Variants in ROR2 observed in about 807,000 individuals in gnomAD.
The protein encoded by ROR2 is ROR family WNT receptor 2.
A neutral mutation model predicts 74.9 loss-of-function variants in ROR2; 33 were observed. The observed-to-expected ratio is 0.44, with a 90% CI of 0.33 to 0.59. ROR2 has a LOEUF of 0.59. Ranked by LOEUF, ROR2 falls within the 20% of genes least tolerant of loss-of-function variation. The pLI is 0.02. For missense variants in ROR2, 1,216 were observed against 1,313.8 expected, an observed-to-expected ratio of 0.93 and a Z score of 1.15; for synonymous variants, 586 against 558.7, an observed-to-expected ratio of 1.05 and a Z score of -0.69.
chr9:91,939,496 G>A (rs1426280742), intron 1 of ROR2, among the ~76,000 whole-genome samples: 1 of 152,084 alleles, frequency 6.6e-6, no homozygotes, highest in Non-Finnish European at 1.5e-5. Context: ...TTGTTCTTCT[G>A]CAAACTGCCT....
At chr9:91,830,660 G>A (rs1013949042) in intron 1 of ROR2, among the ~76,000 whole-genome samples, 19 of 149,364 alleles carry the variant, frequency 1.3e-4, no homozygotes, top group Admixed American at 6.7e-4. Flanking sequence ...AGAGGAAATG[G>A]AGCTTCGAGT....
chr9:91,805,069 G>A (rs1372433122), intron 1 of ROR2, among the ~76,000 whole-genome samples: 2 of 152,156 alleles, frequency 1.3e-5, no homozygotes, highest in African/African-American at 2.4e-5. Flanking sequence ...CCAATTAAAT[G>A]GCTTCTGGCC....
chr9:91,783,124 G>A (rs890851991), intron 1 of ROR2, among the ~76,000 whole-genome samples: 7 of 152,054 alleles, frequency 4.6e-5, no homozygotes, highest in African/African-American at 7.2e-5. Context: ...CATGCACACC[G>A]TCTTTCCGTC....
chr9:91,917,630 T>C (rs1831169408), intron 1 of ROR2, among the ~76,000 whole-genome samples: 1 of 152,214 alleles, frequency 6.6e-6, no homozygotes, highest in Non-Finnish European at 1.5e-5. Flanking sequence ...AGATCCCACT[T>C]CTGCAGGCTG....
chr9:91,925,076 T>G (rs1258794851), intron 1 of ROR2, among the ~76,000 whole-genome samples: 3 of 152,066 alleles, frequency 2.0e-5, no homozygotes, highest in Non-Finnish European at 4.4e-5. Context: ...GGTCTCAAAC[T>G]CTTGGGCTCA....
intron 1 of ROR2, among the ~76,000 whole-genome samples, chr9:91,778,855 T>A (rs1826511756): frequency 6.6e-6 from 1 of 152,048 alleles, no homozygotes; most frequent in Admixed American, 6.5e-5. Flanking sequence ...GGTAGATGAG[T>A]AGGGGAGTAG....
intron 1 of ROR2, among the ~76,000 whole-genome samples, chr9:91,829,404 G>C (rs1404747114): frequency 6.6e-6 from 1 of 151,954 alleles, no homozygotes; most frequent in African/African-American, 2.4e-5. Context: ...ACAAAAATTA[G>C]CTGGGCATGG....
intron 1 of ROR2, among the ~76,000 whole-genome samples, chr9:91,855,796 G>C (rs1318122661): frequency 4.6e-5 from 7 of 151,800 alleles, no homozygotes; most frequent in Non-Finnish European, 1.5e-5. Context: ...TGCTACCTCA[G>C]AGAGGAGGGA....
At chr9:91,827,445 T>C (rs915753345) in intron 1 of ROR2, among the ~76,000 whole-genome samples, 3 of 152,230 alleles carry the variant, frequency 2.0e-5, no homozygotes, top group African/African-American at 7.2e-5. Context: ...TCTATGTAGC[T>C]TATGAAATCT....
At chr9:91,832,395 G>C (rs909617299) in intron 1 of ROR2, among the ~76,000 whole-genome samples, 1 of 79,560 alleles carries the variant, frequency 1.3e-5, no homozygotes, top group East Asian at 5.1e-4. Context: ...AAAAAAAAAA[G>C]GCTGTGTCCC....
At chr9:91,802,894 A>G (rs573002762) in intron 1 of ROR2, among the ~76,000 whole-genome samples, 3 of 152,316 alleles carry the variant, frequency 2.0e-5, no homozygotes, top group South Asian at 2.1e-4. Flanking sequence ...TTCAGCAGAC[A>G]TTTCTCCAAA....
At chr9:91,832,764 C>T (rs1359957498) in intron 1 of ROR2, among the ~76,000 whole-genome samples, 3 of 152,206 alleles carry the variant, frequency 2.0e-5, no homozygotes, top group Non-Finnish European at 4.4e-5. Flanking sequence ...ATATCTCCTA[C>T]GAGTTTTGTT....
At position 91,766,155 on chromosome 9, in the gene ROR2, C is replaced by T. The variant is rs114706059; in HGVS notation, c.176-8596G>A. ...CTCTCTGCTCTGTGGCCCACAGACACGTCCACATGTGTGCCACGGCCATGT... is the reference window on the plus strand; with the variant it reads ...CTCTCTGCTCTGTGGCCCACAGACATGTCCACATGTGTGCCACGGCCATGT... On this transcript the variant is annotated intron_variant, in intron 2 of 8. Transcript: ENST00000375708. 2.6e-5 allele frequency among the ~76,000 whole-genome samples: 4 copies of T among 152,360 alleles called. No individual in the cohort carries two copies. In the South Asian group the frequency reaches 6.2e-4, roughly 24 times the overall value.
At chr9:91,836,117 G>A (rs1261374037) in intron 1 of ROR2, among the ~76,000 whole-genome samples, 1 of 152,188 alleles carries the variant, frequency 6.6e-6, no homozygotes, top group East Asian at 1.9e-4. Flanking sequence ...ATCCCACCAT[G>A]CTTCTCTGTG....
At chr9:91,728,766 C>A (rs1837132699) in intron 7 of ROR2, among the ~76,000 whole-genome samples, 1 of 152,206 alleles carries the variant, frequency 6.6e-6, no homozygotes, top group African/African-American at 2.4e-5. Context: ...TCGTGTCATC[C>A]ATATTTTCCT....
intron 1 of ROR2, among the ~76,000 whole-genome samples, chr9:91,836,727 A>ATCC (rs34358957): frequency 0.037 from 5,635 of 152,226 alleles, 154 homozygotes; most frequent in East Asian, 0.095. Context: ...GGCTCACAGG[A>ATCC]TCCTGCATTG....
chr9:91,906,395 G>C (rs1228719659), intron 1 of ROR2, among the ~76,000 whole-genome samples: 2 of 152,152 alleles, frequency 1.3e-5, no homozygotes, highest in Non-Finnish European at 2.9e-5. Context: ...AACCTTAAAG[G>C]GTGGCTCTGC....
At chr9:91,800,744 G>C (rs1280142264) in intron 1 of ROR2, among the ~76,000 whole-genome samples, 1 of 152,200 alleles carries the variant, frequency 6.6e-6, no homozygotes, top group Non-Finnish European at 1.5e-5. Context: ...TTCCCAGCGG[G>C]CTTCACGTGT....
chr9:91,819,679 T>TCTTTC (rs57715895), intron 1 of ROR2, among the ~76,000 whole-genome samples: 3 of 152,042 alleles, frequency 2.0e-5, no homozygotes, highest in East Asian at 1.9e-4. Context: ...AGTGTCTGTG[T>TCTTTC]ATCTGTCTTT....
Sources: allele counts gnomAD v4.1 joint callset (sites outside exome capture counted in the v4.1 genomes callset), GRCh38; gene constraint gnomAD v4.1.1; transcripts MANE v1.5; gene names NCBI Gene and HGNC (gene_info 2026-07-23, HGNC 2026-07-21).